SPAST: variants seen among roughly 807,000 people sequenced by gnomAD.
SPAST encodes the protein spastin.
SPAST carries 30 observed loss-of-function variants against 76.6 expected under a neutral mutation model. That is an observed-to-expected ratio of 0.39 (90% CI 0.29 to 0.53). SPAST has a LOEUF of 0.53. Among genes scored for constraint, SPAST ranks in the 20% least tolerant of loss-of-function variants. The pLI, the probability that SPAST is intolerant of heterozygous loss-of-function variation, is 0.68. For missense variants in SPAST, 717 were observed against 770.5 expected (o/e 0.93, Z 0.82); for synonymous variants, 305 against 281.0 (o/e 1.09, Z -0.86).
intron 4 of SPAST, among the ~76,000 whole-genome samples, chr2:32,101,406 A>G (rs910701070): frequency 2.6e-4 from 40 of 152,112 alleles, no homozygotes; most frequent in African/African-American, 8.4e-4. Context: ...CTCCCATTCT[A>G]TAGGTTGCCT....
chr2:32,073,991 T>A (rs1200995157), intron 1 of SPAST, among the ~76,000 whole-genome samples: 2 of 152,172 alleles, frequency 1.3e-5, no homozygotes, highest in Non-Finnish European at 2.9e-5. Context: ...AGGAACAAAC[T>A]TATCTATGGT....
At chr2:32,080,942 G>A (rs1248801126) in intron 1 of SPAST, among the ~76,000 whole-genome samples, 6 of 150,952 alleles carry the variant, frequency 4.0e-5, no homozygotes, top group African/African-American at 1.5e-4. Flanking sequence ...CTACAGGCAC[G>A]TGCCACCACA....
At chr2:32,142,352 C>G (rs1679747114) in intron 13 of SPAST, among the ~76,000 whole-genome samples, 1 of 152,148 alleles carries the variant, frequency 6.6e-6, no homozygotes, top group Middle Eastern at 3.2e-3. Flanking sequence ...GTGAAAGAAG[C>G]AAGATGATAT....
chr2:32,113,781 G>C (rs953826850), intron 4 of SPAST, among the ~76,000 whole-genome samples: 1 of 151,534 alleles, frequency 6.6e-6, no homozygotes, highest in Non-Finnish European at 1.5e-5. Context: ...TGGCCAGCCT[G>C]GTCTTGAACT....
chr2:32,067,016 A>C (rs1397389400), intron 1 of SPAST, among the ~76,000 whole-genome samples: 1 of 149,802 alleles, frequency 6.7e-6, no homozygotes, highest in African/African-American at 2.4e-5. Context: ...AACTGTTTTA[A>C]TTGTTTTATT....
intron 4 of SPAST, among the ~76,000 whole-genome samples, chr2:32,102,683 C>T (rs1267691407): frequency 1.3e-5 from 2 of 152,000 alleles, no homozygotes; most frequent in Non-Finnish European, 2.9e-5. Flanking sequence ...GCATGAAGGG[C>T]TGTTGAATTT....
intron 1 of SPAST, among the ~76,000 whole-genome samples, chr2:32,069,540 A>G (rs1676663092): frequency 1.3e-5 from 2 of 150,632 alleles, no homozygotes; most frequent in African/African-American, 2.4e-5. Flanking sequence ...TCCCTTGGCA[A>G]CATGACTTAT....
chr2:32,115,234 C>T (rs1678784668), intron 5 of SPAST, among the ~76,000 whole-genome samples: 2 of 152,140 alleles, frequency 1.3e-5, no homozygotes, highest in African/African-American at 4.8e-5. Flanking sequence ...AGGCGTGAGC[C>T]ACCGTGCCCA....
chr2:32,097,851 G>A (rs1158040448), intron 3 of SPAST, among the ~76,000 whole-genome samples: 1 of 151,692 alleles, frequency 6.6e-6, no homozygotes, highest in East Asian at 1.9e-4. Flanking sequence ...GTGCCACCAC[G>A]CCCGGATACT....
intron 4 of SPAST, among the ~76,000 whole-genome samples, chr2:32,111,171 CAGTATACTATATA>C (rs1678576276): frequency 8.5e-6 from 1 of 117,142 alleles, no homozygotes; most frequent in African/African-American, 3.3e-5. Context: ...AGTATATATA[CAGTATACTATATA>C]GTGTGTATAG....
intron 3 of SPAST, among the ~76,000 whole-genome samples, chr2:32,091,469 G>T (rs1677714397): frequency 6.7e-6 from 1 of 150,228 alleles, no homozygotes; most frequent in African/African-American, 2.4e-5. Context: ...TAGGGACGGG[G>T]TTTCACCATG....
intron 1 of SPAST, among the ~76,000 whole-genome samples, chr2:32,082,855 T>G (rs1363993400): frequency 6.6e-6 from 1 of 152,264 alleles, no homozygotes; most frequent in African/African-American, 2.4e-5. Context: ...GTAGTTTGTT[T>G]CTTTTTAATG....
intron 9 of SPAST, among the ~76,000 whole-genome samples, chr2:32,135,129 T>G (rs932802637): frequency 7.3e-5 from 11 of 151,690 alleles, no homozygotes; most frequent in African/African-American, 2.7e-4. Context: ...TGTGTGTGTG[T>G]GTGTGTGTGT....
intron 9 of SPAST, among the ~76,000 whole-genome samples, chr2:32,134,417 G>C (rs908179729): frequency 6.6e-6 from 1 of 151,728 alleles, no homozygotes; most frequent in Non-Finnish European, 1.5e-5. Flanking sequence ...CAGGAGAGTT[G>C]CTTGAACCTG....
At chr2:32,083,334 A>G (rs1020184546) in intron 1 of SPAST, among the ~76,000 whole-genome samples, 2 of 152,064 alleles carry the variant, frequency 1.3e-5, no homozygotes, top group Non-Finnish European at 2.9e-5. Flanking sequence ...TCTTGGGTAA[A>G]TATGTAGAAG....
At chr2:32,152,414 C>G (rs1442630718) in intron 16 of SPAST, among the ~76,000 whole-genome samples, 2 of 151,952 alleles carry the variant, frequency 1.3e-5, no homozygotes, top group African/African-American at 2.4e-5. Context: ...ACAAAAATTA[C>G]AAAAAGTTAG....
At chr2:32,127,315 G>A (rs1294286790) in intron 8 of SPAST, 5 of 377,710 alleles carry the variant, frequency 1.3e-5, no homozygotes, top group African/African-American at 4.2e-5. Flanking sequence ...ACAGGATTTC[G>A]CCATGTTGGC....
chr2:32,080,851 A>G (rs1421820764), intron 1 of SPAST, among the ~76,000 whole-genome samples: 2 of 119,196 alleles, frequency 1.7e-5, no homozygotes, highest in East Asian at 2.8e-4. Flanking sequence ...CTGCAGTGCC[A>G]TGGCACGATC....
At chr2:32,085,405 T>G (rs1677434588) in intron 1 of SPAST, among the ~76,000 whole-genome samples, 1 of 152,072 alleles carries the variant, frequency 6.6e-6, no homozygotes, top group Non-Finnish European at 1.5e-5. Flanking sequence ...TTGGTAGAGA[T>G]AAAATCTCAC....
Sources: gnomAD v4.1 joint callset for allele counts (sites outside exome capture counted in the v4.1 genomes callset) on GRCh38, gnomAD v4.1.1 for gene constraint, MANE v1.5 for transcripts, NCBI Gene and HGNC (gene_info 2026-07-23, HGNC 2026-07-21) for gene names.